ANO10: variants seen among roughly 807,000 people sequenced by gnomAD.
ANO10 encodes anoctamin 10, also known as anoctamin-10.
In ANO10, 77 loss-of-function variants were observed where a neutral mutation model predicts 74.7. The ratio of observed to expected loss-of-function variants is 1.03; its 90% confidence interval spans 0.86 to 1.25. The LOEUF (loss-of-function observed/expected upper bound fraction) is 1.25, where lower values mean the gene tolerates loss of function less well. Ranked by LOEUF, ANO10 falls within the 50% of genes most tolerant of loss-of-function variation. ANO10 has a pLI of 0.00. For synonymous variants in ANO10, 279 were observed against 284.9 expected (o/e 0.98, Z 0.21); for missense variants, 721 against 778.1 (o/e 0.93, Z 0.87).
chr3:43,505,786 T>G (rs1036195635), intron 11 of ANO10, among the ~76,000 whole-genome samples: 1 of 152,224 alleles, frequency 6.6e-6, no homozygotes, highest in African/African-American at 2.4e-5. Context: ...CTAAATAATA[T>G]GGTCCCTAAG....
chr3:43,483,763 T>C (rs746117657), intron 11 of ANO10, among the ~76,000 whole-genome samples: 2 of 152,146 alleles, frequency 1.3e-5, no homozygotes, highest in Non-Finnish European at 2.9e-5. Context: ...AATCAATACA[T>C]GGAAGGTGTA....
intron 1 of ANO10, among the ~76,000 whole-genome samples, chr3:43,611,421 A>T (rs961185960): frequency 7.9e-5 from 12 of 152,236 alleles, no homozygotes; most frequent in African/African-American, 2.4e-4. Context: ...TCTGATTAAT[A>T]GTATACAATC....
At chr3:43,456,263 A>G (rs917045713) in intron 11 of ANO10, among the ~76,000 whole-genome samples, 1 of 152,186 alleles carries the variant, frequency 6.6e-6, no homozygotes, top group African/African-American at 2.4e-5. Context: ...TTTGAGTGTC[A>G]CCTTTTATAC....
intron 4 of ANO10, among the ~76,000 whole-genome samples, chr3:43,597,169 C>T (rs941441909): frequency 2.0e-5 from 3 of 152,112 alleles, no homozygotes; most frequent in East Asian, 3.9e-4. Context: ...GTTGGTGGGA[C>T]GGTAAACTAG....
intron 1 of ANO10, among the ~76,000 whole-genome samples, chr3:43,644,837 G>A (rs2083709722): frequency 1.3e-5 from 2 of 152,212 alleles, no homozygotes; most frequent in South Asian, 4.1e-4. Flanking sequence ...CATTGGTGCT[G>A]GCACCCTGGG....
chr3:43,578,582 T>A (rs1229886155), intron 5 of ANO10, among the ~76,000 whole-genome samples: 1 of 151,908 alleles, frequency 6.6e-6, no homozygotes, highest in Non-Finnish European at 1.5e-5. Context: ...AAACCCCGTC[T>A]CTACCAAAAA....
intron 11 of ANO10, among the ~76,000 whole-genome samples, chr3:43,433,807 A>T (rs2093027619): frequency 6.6e-6 from 1 of 152,200 alleles, no homozygotes; most frequent in Non-Finnish European, 1.5e-5. Flanking sequence ...CACCCACAGA[A>T]ATCTAAGTGA....
intron 11 of ANO10, among the ~76,000 whole-genome samples, chr3:43,436,974 G>A (rs946034210): frequency 5.9e-5 from 9 of 152,136 alleles, no homozygotes; most frequent in Non-Finnish European, 1.3e-4. Flanking sequence ...TGGCAGCCAC[G>A]ACTGAACAAA....
chr3:43,394,852 A>G (rs2092348127), intron 12 of ANO10, among the ~76,000 whole-genome samples: 1 of 152,224 alleles, frequency 6.6e-6, no homozygotes, highest in Non-Finnish European at 1.5e-5. Context: ...GTCTTAGGGT[A>G]AAAATCTAGG....
chr3:43,408,317 A>G (rs1286401702), intron 12 of ANO10, among the ~76,000 whole-genome samples: 7 of 152,240 alleles, frequency 4.6e-5, no homozygotes, highest in Non-Finnish European at 7.3e-5. Flanking sequence ...GCAGATTAAA[A>G]TATTAATTAA....
chr3:43,525,990 C>T (rs1486727990), intron 11 of ANO10, among the ~76,000 whole-genome samples: 2 of 152,146 alleles, frequency 1.3e-5, no homozygotes, highest in Non-Finnish European at 2.9e-5. Context: ...ATTATTCTAT[C>T]TTCAAATGAC....
chr3:43,545,983 G>A (rs889493387), intron 11 of ANO10, among the ~76,000 whole-genome samples: 3 of 152,074 alleles, frequency 2.0e-5, no homozygotes, highest in African/African-American at 7.2e-5. Context: ...ATTCAGCTGA[G>A]GTCTCAGCAA....
At chr3:43,488,931 C>G (rs1023307791) in intron 11 of ANO10, among the ~76,000 whole-genome samples, 12 of 151,372 alleles carry the variant, frequency 7.9e-5, no homozygotes, top group Non-Finnish European at 1.8e-4. Flanking sequence ...AAATGTCCAA[C>G]AATGATAGAC....
chr3:43,601,996 CA>C (rs2082355352), intron 2 of ANO10, among the ~76,000 whole-genome samples: 1 of 152,330 alleles, frequency 6.6e-6, no homozygotes, highest in African/African-American at 2.4e-5. Flanking sequence ...ACACCTGAAA[CA>C]AGGCCATTCC....
intron 12 of ANO10, chr3:43,372,897 A>T (rs2091668088): frequency 6.6e-7 from 1 of 1,514,028 alleles, no homozygotes; most frequent in Non-Finnish European, 8.8e-7. Flanking sequence ...CCTCAGTGTA[A>T]TTCCGATGAA....
intron 4 of ANO10, among the ~76,000 whole-genome samples, chr3:43,597,205 G>A (rs559245471): frequency 1.3e-5 from 2 of 152,272 alleles, no homozygotes; most frequent in South Asian, 2.1e-4. Flanking sequence ...AGACAGTGGC[G>A]ATTCCTCAAG....
chr3:43,628,910 T>C (rs2083518309), intron 1 of ANO10, among the ~76,000 whole-genome samples: 2 of 152,204 alleles, frequency 1.3e-5, no homozygotes, highest in Non-Finnish European at 2.9e-5. Flanking sequence ...ATTAGCAATT[T>C]TAATTTCGCC....
At chr3:43,461,079 A>C (rs999061044) in intron 11 of ANO10, among the ~76,000 whole-genome samples, 4 of 152,002 alleles carry the variant, frequency 2.6e-5, no homozygotes, top group Non-Finnish European at 4.4e-5. Context: ...GAAAATCAAT[A>C]AGAACAAACG....
At chr3:43,657,601 G>T (rs139523123) in intron 1 of ANO10, among the ~76,000 whole-genome samples, 1 of 152,300 alleles carries the variant, frequency 6.6e-6, no homozygotes, top group Non-Finnish European at 1.5e-5. Flanking sequence ...TTGAACTGAG[G>T]AATAAAGAGA....
Sources: gnomAD v4.1 joint callset for allele counts (sites outside exome capture counted in the v4.1 genomes callset) on GRCh38, gnomAD v4.1.1 for gene constraint, MANE v1.5 for transcripts, NCBI Gene and HGNC (gene_info 2026-07-23, HGNC 2026-07-21) for gene names.